TLL2: variants seen among roughly 807,000 people sequenced by gnomAD.
TLL2 encodes the protein tolloid like 2.
TLL2 carries 106 observed loss-of-function variants against 123.0 expected under a neutral mutation model. That is an observed-to-expected ratio of 0.86 (90% CI 0.74 to 1.01). TLL2 has a LOEUF of 1.01. TLL2 is among the 50% of genes least tolerant of loss of function. The pLI is 0.00. For missense variants in TLL2, 1,332 were observed against 1,336.7 expected (o/e 1.00, Z 0.06); for synonymous variants, 494 against 516.8 (o/e 0.96, Z 0.60).
chr10:96,441,033 G>C (rs1477019020), intron 3 of TLL2, among the ~76,000 whole-genome samples: 1 of 152,156 alleles, frequency 6.6e-6, no homozygotes, highest in Non-Finnish European at 1.5e-5. Context: ...CTGGGGGTAG[G>C]GTTGAGGGGG....
chr10:96,463,475 C>T (rs1235610639), intron 2 of TLL2, among the ~76,000 whole-genome samples: 1 of 152,214 alleles, frequency 6.6e-6, no homozygotes, highest in African/African-American at 2.4e-5. Flanking sequence ...GGACCTCAGG[C>T]AAACCAGGGA....
At chr10:96,397,881 G>A (rs1346818962) in intron 10 of TLL2, among the ~76,000 whole-genome samples, 1 of 152,168 alleles carries the variant, frequency 6.6e-6, no homozygotes, top group East Asian at 1.9e-4. Flanking sequence ...AGGACTAGCG[G>A]GAGAGCAGCA....
intron 16 of TLL2, among the ~76,000 whole-genome samples, chr10:96,383,479 AG>A (rs1846203595): frequency 6.6e-6 from 1 of 152,206 alleles, no homozygotes; most frequent in South Asian, 2.1e-4. Flanking sequence ...TGATTTTATA[AG>A]GGGTTTCCCC....
chr10:96,439,894 CT>C (rs1564907729), intron 3 of TLL2, among the ~76,000 whole-genome samples: 1 of 152,278 alleles, frequency 6.6e-6, no homozygotes, highest in Admixed American at 6.5e-5. Context: ...AAAAATCTCC[CT>C]GTACGAGCCA....
intron 16 of TLL2, among the ~76,000 whole-genome samples, chr10:96,380,181 A>G (rs1406281311): frequency 6.6e-6 from 1 of 152,224 alleles, no homozygotes; most frequent in African/African-American, 2.4e-5. Flanking sequence ...TGAGAACTCA[A>G]GTGCTGGCCC....
intron 6 of TLL2, among the ~76,000 whole-genome samples, chr10:96,422,010 A>G (rs1443246945): frequency 6.6e-6 from 1 of 152,220 alleles, no homozygotes; most frequent in Non-Finnish European, 1.5e-5. Flanking sequence ...TTTCATGCTC[A>G]ATATTAACTT....
chr10:96,494,053 C>G (rs1435268978), intron 1 of TLL2, among the ~76,000 whole-genome samples: 1 of 152,178 alleles, frequency 6.6e-6, no homozygotes, highest in East Asian at 1.9e-4. Flanking sequence ...GAGGACTGAC[C>G]TCAGGGTCAG....
chr10:96,439,692 C>T (rs1432887174), intron 3 of TLL2, among the ~76,000 whole-genome samples: 1 of 152,070 alleles, frequency 6.6e-6, no homozygotes, highest in African/African-American at 2.4e-5. Context: ...ATAACGGGTT[C>T]CTACTCATCT....
At position 96,373,938 on chromosome 10, in the gene TLL2, T is replaced by G; in HGVS notation, c.2449-129A>C. ...GACGTCCAGCTGGCTGTGCAGGGGG[T>G]GTGTGGCCGTGATGATGCTTGAGGA... On this transcript the variant is annotated intron_variant, in intron 18 of 20. Coordinates refer to ENST00000357947, the MANE Select transcript of TLL2 (RefSeq NM_012465.4). The G allele has an allele frequency of 9.4e-6, 7 of 742,204 alleles. No individual in the cohort carries two copies. In the Admixed American group the frequency reaches 1.8e-4, roughly 19 times the overall value. The allele number at this position is 742,204 out of a possible 1,614,324, so 46.0% of individuals were successfully genotyped here.
intron 20 of TLL2, among the ~76,000 whole-genome samples, chr10:96,368,690 G>T (rs1383489714): frequency 6.6e-6 from 1 of 152,206 alleles, no homozygotes; most frequent in African/African-American, 2.4e-5. Flanking sequence ...TCTCCCAGGA[G>T]ACCTGAAACA....
chr10:96,408,004 CCCTT>C (rs1282465163), intron 9 of TLL2, among the ~76,000 whole-genome samples: 2 of 152,240 alleles, frequency 1.3e-5, no homozygotes, highest in East Asian at 3.8e-4. Context: ...CAAGCAAACA[CCCTT>C]CCTTCCATTA....
At chr10:96,505,979 C>T (rs980380364) in intron 1 of TLL2, among the ~76,000 whole-genome samples, 15 of 152,024 alleles carry the variant, frequency 9.9e-5, no homozygotes, top group African/African-American at 3.1e-4. Flanking sequence ...TGAGGCTGGG[C>T]GCGGTGGCTT....
chr10:96,370,653 G>T (rs1170877772), intron 19 of TLL2, among the ~76,000 whole-genome samples: 1 of 152,230 alleles, frequency 6.6e-6, no homozygotes, highest in Non-Finnish European at 1.5e-5. Context: ...CTGGGATATG[G>T]GTGGATCTAT....
chr10:96,422,762 C>T, intron 5 of TLL2, 35 bp from the exon 6 acceptor site: 1 of 1,612,560 alleles, frequency 6.2e-7, no homozygotes, highest in Non-Finnish European at 8.5e-7. Context: ...GTCAGCAGGT[C>T]AGAAGACATT....
At chr10:96,468,450 C>T (rs919118481) in intron 2 of TLL2, among the ~76,000 whole-genome samples, 1 of 152,178 alleles carries the variant, frequency 6.6e-6, no homozygotes, top group Non-Finnish European at 1.5e-5. Flanking sequence ...ATCAGCCTTG[C>T]TCCTTTCTCT....
intron 5 of TLL2, 144 bp from the exon 6 acceptor site, chr10:96,422,871 T>C: frequency 1.0e-6 from 1 of 993,610 alleles, no homozygotes; most frequent in East Asian, 2.6e-5. Context: ...CTTACGCCTG[T>C]AATCCCAGAA....
intron 7 of TLL2, among the ~76,000 whole-genome samples, chr10:96,418,479 C>T (rs886548167): frequency 6.6e-6 from 1 of 152,134 alleles, no homozygotes; most frequent in Non-Finnish European, 1.5e-5. Flanking sequence ...GAAATTTCTA[C>T]CCTCACCTAT....
At chr10:96,391,771 A>C (rs971520900) in intron 13 of TLL2, among the ~76,000 whole-genome samples, 1 of 152,204 alleles carries the variant, frequency 6.6e-6, no homozygotes, top group African/African-American at 2.4e-5. Flanking sequence ...TTTAAGATTC[A>C]TGGTCAAGGT....
At chr10:96,383,464 T>G (rs930595247) in intron 16 of TLL2, among the ~76,000 whole-genome samples, 3 of 152,122 alleles carry the variant, frequency 2.0e-5, no homozygotes, top group East Asian at 1.9e-4. Context: ...TCTCACGAGA[T>G]CTGATGATTT....
Sources: gnomAD v4.1 joint callset for allele counts (sites outside exome capture counted in the v4.1 genomes callset) on GRCh38, gnomAD v4.1.1 for gene constraint, MANE v1.5 for transcripts, NCBI Gene and HGNC (gene_info 2026-07-23, HGNC 2026-07-21) for gene names.